The following CDH18 variants were observed in gnomAD, a reference collection of about 807,000 sequenced individuals.
The protein encoded by CDH18 is cadherin 18.
A neutral mutation model predicts 67.9 loss-of-function variants in CDH18; 31 were observed. That is an observed-to-expected ratio of 0.46 (90% confidence interval 0.34 to 0.62). The LOEUF (loss-of-function observed/expected upper bound fraction) is 0.62, where lower values mean the gene tolerates loss of function less well. Ranked by LOEUF, CDH18 falls within the 20% of genes least tolerant of loss-of-function variation. CDH18 has a pLI of 0.01. For missense variants in CDH18, 890 were observed against 975.5 expected, an observed-to-expected ratio of 0.91 and a Z score of 1.17; for synonymous variants, 362 against 347.2, an observed-to-expected ratio of 1.04 and a Z score of -0.48.
chr5:20,110,392 C>A (rs910023342), intron 2 of CDH18, among the ~76,000 whole-genome samples: 2 of 152,100 alleles, frequency 1.3e-5, no homozygotes, highest in South Asian at 4.1e-4. Context: ...TTTGAAAATA[C>A]CAAATGTGTG....
At chr5:20,556,845 C>G (rs1264829985) in intron 1 of CDH18, among the ~76,000 whole-genome samples, 3 of 152,076 alleles carry the variant, frequency 2.0e-5, no homozygotes, top group Admixed American at 2.0e-4. Flanking sequence ...ATTTTGTTCT[C>G]TTAACTATGA....
intron 2 of CDH18, among the ~76,000 whole-genome samples, chr5:20,002,824 A>G (rs78289289): frequency 0.012 from 1,753 of 152,206 alleles, 41 homozygotes; most frequent in African/African-American, 0.04. Flanking sequence ...GGAGATATAG[A>G]TTTTTCTCTA....
chr5:19,734,426 A>G (rs2150659121), intron 4 of CDH18, among the ~76,000 whole-genome samples: 1 of 152,206 alleles, frequency 6.6e-6, no homozygotes, highest in Middle Eastern at 3.4e-3. Context: ...TTCCCCTGTG[A>G]TATGGACGTT....
chr5:19,688,449 A>C (rs1374784840), intron 5 of CDH18, among the ~76,000 whole-genome samples: 4 of 152,176 alleles, frequency 2.6e-5, no homozygotes, highest in Non-Finnish European at 5.9e-5. Flanking sequence ...ACAGCTGAAG[A>C]AGGCATATGA....
At chr5:20,437,100 T>A (rs533411012) in intron 1 of CDH18, among the ~76,000 whole-genome samples, 2 of 149,740 alleles carry the variant, frequency 1.3e-5, no homozygotes, top group Non-Finnish European at 3.0e-5. Flanking sequence ...AGGTGACAGA[T>A]TTACATGTGG....
Position 19,473,302 on chromosome 5 carries a change from T to C in CDH18, c.2297A>G (p.Tyr766Cys), listed in dbSNP as rs1460860545. 1.9e-6 allele frequency: 3 copies of C among 1,613,782 alleles called. No individual in the cohort carries two copies. The highest frequency in any genetic ancestry group is 2.5e-6 in the Non-Finnish European group (3 of 1,179,830). Residue 766 changes from tyrosine to cysteine, a missense_variant, in exon 13 of 13, where the codon TAC (tyrosine) becomes TGC (cysteine). Around this residue, in one of 2 missense-constraint regions of CDH18, gnomAD observed 656 missense variants for 668.1 expected, o/e 0.98. Coordinates refer to ENST00000382275, the MANE Select transcript of CDH18 (RefSeq NM_004934.5). ...ATTQSDQDYH[Y>C]LGDWGPEFKK... ...AAACTCGGGTCCCCAGTCTCCAAGG[T>C]AGTGATAATCCTGGTCTGATTGTGT...
At chr5:19,959,924 T>A (rs1421709157) in intron 2 of CDH18, among the ~76,000 whole-genome samples, 1 of 152,080 alleles carries the variant, frequency 6.6e-6, no homozygotes, top group African/African-American at 2.4e-5. Flanking sequence ...TTTATGTATC[T>A]GAACATTTTT....
rs186970357 is a variant in CDH18, at chr5:20,548,955, T to C, written c.-580+26507A>G. Among the ~76,000 whole-genome samples the C allele has an allele frequency of 1.9e-3, 289 of 152,220 alleles. 1 individual carries two copies. The highest frequency in any genetic ancestry group is 6.4e-3 in the African/African-American group (266 of 41,542). On this transcript the variant is annotated intron_variant, in intron 1 of 14. Transcript: ENST00000507958. Reference sequence around the variant, plus strand: ...GTAGGATTGAATATGATGGAACATATAGGGTGATAATCCATTCACATTTGG... The same window carrying C: ...GTAGGATTGAATATGATGGAACATACAGGGTGATAATCCATTCACATTTGG...
At chr5:19,932,726 CCTGT>C in intron 2 of CDH18, among the ~76,000 whole-genome samples, 1 of 151,720 alleles carries the variant, frequency 6.6e-6, no homozygotes, top group East Asian at 1.9e-4. Context: ...TAATATCCAT[CCTGT>C]CTGCCTTTTT....
chr5:20,041,189 T>C (rs1017798072), intron 2 of CDH18, among the ~76,000 whole-genome samples: 1 of 152,228 alleles, frequency 6.6e-6, no homozygotes, highest in Non-Finnish European at 1.5e-5. Flanking sequence ...ATGTTTCTCA[T>C]GATATCTTGC....
chr5:19,541,889 T>A (rs1161538843), intron 9 of CDH18, among the ~76,000 whole-genome samples: 1 of 152,200 alleles, frequency 6.6e-6, no homozygotes, highest in Non-Finnish European at 1.5e-5. Context: ...CCTTTATTTC[T>A]TAACTAAGTT....
chr5:20,232,021 T>G (rs192904911), intron 2 of CDH18, among the ~76,000 whole-genome samples: 3 of 152,184 alleles, frequency 2.0e-5, no homozygotes, highest in African/African-American at 7.2e-5. Flanking sequence ...TCTAATATTT[T>G]TTTACCAAAT....
At chr5:20,225,962 C>A (rs561642758) in intron 2 of CDH18, among the ~76,000 whole-genome samples, 1 of 152,090 alleles carries the variant, frequency 6.6e-6, no homozygotes, top group East Asian at 1.9e-4. Flanking sequence ...GGAAGACGGG[C>A]AGTGCCAGGA....
intron 1 of CDH18, among the ~76,000 whole-genome samples, chr5:20,515,155 T>A (rs2126499591): frequency 6.6e-6 from 1 of 152,104 alleles, no homozygotes; most frequent in Non-Finnish European, 1.5e-5. Context: ...CAAAAAGACC[T>A]GATGAACTGA....
intron 4 of CDH18, among the ~76,000 whole-genome samples, chr5:19,742,734 ACTCT>A (rs146611270): frequency 0.043 from 6,327 of 146,784 alleles, 300 homozygotes; most frequent in African/African-American, 0.12. Flanking sequence ...AAGTGCATTT[ACTCT>A]CTCTCTCTCT....
intron 2 of CDH18, among the ~76,000 whole-genome samples, chr5:19,850,414 T>C (rs1045880659): frequency 6.6e-6 from 1 of 151,846 alleles, no homozygotes; most frequent in Non-Finnish European, 1.5e-5. Context: ...GTAGATGTGA[T>C]TTTTATTTCT....
chr5:19,847,862 C>A (rs781157274), intron 2 of CDH18, among the ~76,000 whole-genome samples: 2 of 152,056 alleles, frequency 1.3e-5, no homozygotes, highest in African/African-American at 2.4e-5. Context: ...CTCATAATTT[C>A]TTGCTCTTTC....
At chr5:20,437,640 C>G (rs989292609) in intron 1 of CDH18, among the ~76,000 whole-genome samples, 1 of 151,156 alleles carries the variant, frequency 6.6e-6, no homozygotes, top group Non-Finnish European at 1.5e-5. Flanking sequence ...AAGTGAATAG[C>G]CTTAAAATAA....
intron 1 of CDH18, among the ~76,000 whole-genome samples, chr5:20,262,476 C>T (rs1744728418): frequency 6.6e-6 from 1 of 152,146 alleles, no homozygotes; most frequent in Non-Finnish European, 1.5e-5. Flanking sequence ...TTCCATAATA[C>T]ATATGCATAA....
Sources: allele counts gnomAD v4.1 joint callset (sites outside exome capture counted in the v4.1 genomes callset), GRCh38; gene constraint gnomAD v4.1.1; regional missense constraint gnomAD v4.1.1; transcripts MANE v1.5; gene names NCBI Gene and HGNC (gene_info 2026-07-23, HGNC 2026-07-21).